The following KCNMB2 variants were observed in gnomAD, a reference collection of about 807,000 sequenced individuals.
The protein encoded by KCNMB2 is potassium calcium-activated channel subfamily M regulatory beta subunit 2.
A neutral mutation model predicts 24.5 loss-of-function variants in KCNMB2; 9 were observed. The observed-to-expected ratio is 0.37, with a 90% CI of 0.22 to 0.64. The LOEUF (loss-of-function observed/expected upper bound fraction) is 0.64. KCNMB2 is among the 30% of genes least tolerant of loss of function. The pLI, the probability that KCNMB2 is intolerant of heterozygous loss-of-function variation, is 0.63. For synonymous variants in KCNMB2, 109 were observed against 104.4 expected (o/e 1.04, Z -0.27); for missense variants, 226 against 284.3 (o/e 0.79, Z 1.47).
intron 1 of KCNMB2, among the ~76,000 whole-genome samples, chr3:178,779,160 G>C (rs547515332): frequency 6.6e-6 from 1 of 152,250 alleles, no homozygotes; most frequent in South Asian, 2.1e-4. Context: ...CCTTCTACTT[G>C]AGGAGGCCCC....
At chr3:178,703,701 T>C (rs1460085829) in intron 1 of KCNMB2, among the ~76,000 whole-genome samples, 1 of 152,224 alleles carries the variant, frequency 6.6e-6, no homozygotes, top group East Asian at 1.9e-4. Context: ...CACATGAATG[T>C]ATGAACATTC....
intron 1 of KCNMB2, among the ~76,000 whole-genome samples, chr3:178,712,843 A>T (rs976808464): frequency 5.9e-5 from 9 of 152,188 alleles, no homozygotes; most frequent in Admixed American, 2.6e-4. Context: ...TTTATATTTT[A>T]TTCTGTGAAC....
intron 1 of KCNMB2, among the ~76,000 whole-genome samples, chr3:178,723,682 T>C (rs966000648): frequency 2.6e-5 from 4 of 152,196 alleles, no homozygotes; most frequent in African/African-American, 7.2e-5. Context: ...ATTGTTCCCA[T>C]CTTTGTGTCC....
chr3:178,588,147 G>A (rs952712459), intron 1 of KCNMB2, among the ~76,000 whole-genome samples: 5 of 151,970 alleles, frequency 3.3e-5, no homozygotes, highest in African/African-American at 1.2e-4. Context: ...AGGTAACAGA[G>A]CACCTGTACA....
intron 2 of KCNMB2, among the ~76,000 whole-genome samples, chr3:178,816,899 G>A (rs1014831038): frequency 3.9e-5 from 6 of 152,058 alleles, no homozygotes; most frequent in South Asian, 2.1e-4. Context: ...TTATCTGGAC[G>A]ATTCACATAA....
At position 178,842,753 on chromosome 3, in the gene KCNMB2, A is replaced by C. The variant is rs1009571563; in HGVS notation, c.524A>C (p.Tyr175Ser). 11 of 1,613,416 alleles carry C rather than the reference A, an allele frequency of 6.8e-6. No individual in the cohort carries two copies. The highest frequency in any genetic ancestry group is 9.3e-6 in the Non-Finnish European group (11 of 1,179,442). Residue 175 changes from tyrosine to serine, a missense_variant, in exon 5 of 5, where the codon TAT becomes TCT. Coordinates refer to ENST00000452583, the MANE Select transcript of KCNMB2 (RefSeq NM_181361.3). ...AGGAAGTATCAACACTTCTCCTGCT[A>C]TTCTGACCCAGAAGGAAACCAGAAG... The part of the protein sequence containing the change: ...NFRKYQHFSC[Y>S]SDPEGNQKSV...
intron 1 of KCNMB2, among the ~76,000 whole-genome samples, chr3:178,643,088 T>C (rs1287034807): frequency 6.6e-6 from 1 of 152,188 alleles, no homozygotes; most frequent in Non-Finnish European, 1.5e-5. Context: ...TAAAAAGGAA[T>C]GAACCACTGC....
At chr3:178,607,255 A>C (rs910677299) in intron 1 of KCNMB2, among the ~76,000 whole-genome samples, 1 of 152,192 alleles carries the variant, frequency 6.6e-6, no homozygotes, top group Non-Finnish European at 1.5e-5. Context: ...AAAGGGTTAG[A>C]TCTCCTAGAA....
At chr3:178,624,244 ATTTTTTT>A (rs35333167) in intron 1 of KCNMB2, among the ~76,000 whole-genome samples, 5 of 144,192 alleles carry the variant, frequency 3.5e-5, no homozygotes, top group Non-Finnish European at 3.0e-5. Context: ...TTACTGGGTA[ATTTTTTT>A]TTTTTTTTTT....
intron 1 of KCNMB2, among the ~76,000 whole-genome samples, chr3:178,571,455 T>C (rs1247752176): frequency 2.5e-5 from 1 of 40,316 alleles, no homozygotes; most frequent in African/African-American, 2.3e-4. Flanking sequence ...TGGATATATA[T>C]ATATATATAT....
At chr3:178,828,925 CTGTGTG>C (rs71181254) in intron 4 of KCNMB2, among the ~76,000 whole-genome samples, 6,368 of 142,782 alleles carry the variant, frequency 0.045, 168 homozygotes, top group Non-Finnish European at 0.044. Context: ...CCCATGGTCA[CTGTGTG>C]TGTGTGTGTG....
At chr3:178,743,482 A>C (rs1169746349) in intron 1 of KCNMB2, among the ~76,000 whole-genome samples, 1 of 151,984 alleles carries the variant, frequency 6.6e-6, no homozygotes, top group Admixed American at 6.6e-5. Flanking sequence ...GCAAGCATAT[A>C]CTCCCACGTG....
At chr3:178,649,812 C>A (rs1198341509) in intron 1 of KCNMB2, among the ~76,000 whole-genome samples, 3 of 114,720 alleles carry the variant, frequency 2.6e-5, no homozygotes, top group African/African-American at 4.0e-5. Context: ...TTAAAAAAAA[C>A]AGCTCCTGGA....
chr3:178,703,509 A>AC (rs994428919), intron 1 of KCNMB2, among the ~76,000 whole-genome samples: 94 of 132,960 alleles, frequency 7.1e-4, no homozygotes, highest in Middle Eastern at 3.6e-3. Context: ...TCAGGCACCC[A>AC]CCCCCCCAAA....
At chr3:178,562,942 G>A (rs1238054839) in intron 1 of KCNMB2, among the ~76,000 whole-genome samples, 2 of 152,124 alleles carry the variant, frequency 1.3e-5, no homozygotes, top group Non-Finnish European at 2.9e-5. Context: ...TTTTACTTTT[G>A]GATGTAAAAA....
chr3:178,721,226 T>C (rs1056049408), intron 1 of KCNMB2, among the ~76,000 whole-genome samples: 3 of 152,226 alleles, frequency 2.0e-5, no homozygotes, highest in Non-Finnish European at 4.4e-5. Flanking sequence ...ATTTATTAAA[T>C]AGGGAATCCT....
At position 178,809,618 on chromosome 3, in the gene KCNMB2, T is replaced by C. The variant is rs1008143168; in HGVS notation, c.56+2153T>C. Among the ~76,000 whole-genome samples the C allele has an allele frequency of 2.0e-5, 3 of 152,232 alleles. No individual in the cohort carries two copies. In the South Asian group the frequency reaches 6.2e-4, roughly 32 times the overall value. On this transcript the variant is annotated intron_variant, in intron 2 of 4. Coordinates refer to ENST00000452583, the MANE Select transcript of KCNMB2 (RefSeq NM_181361.3). ...GTCAAACTTGAAATATTTGGAGTGA[T>C]AGTGAACAGCCAAGCCCACAAGGGG...
intron 1 of KCNMB2, among the ~76,000 whole-genome samples, chr3:178,650,109 T>A (rs1161141454): frequency 6.6e-6 from 1 of 152,188 alleles, no homozygotes; most frequent in Non-Finnish European, 1.5e-5. Flanking sequence ...TACCCAGTAG[T>A]CATTCAGGAG....
chr3:178,543,665 A>T (rs1023818960), intron 1 of KCNMB2, among the ~76,000 whole-genome samples: 10 of 152,178 alleles, frequency 6.6e-5, no homozygotes, highest in Admixed American at 6.5e-4. Flanking sequence ...TTCTGTACCA[A>T]ATAACTTCTC....
Sources: gnomAD v4.1 joint callset for allele counts (sites outside exome capture counted in the v4.1 genomes callset) on GRCh38, gnomAD v4.1.1 for gene constraint, MANE v1.5 for transcripts, NCBI Gene and HGNC (gene_info 2026-07-23, HGNC 2026-07-21) for gene names.